The following NDRG1 variants were observed in gnomAD, a reference collection of about 807,000 sequenced individuals.
NDRG1 encodes N-myc downstream regulated 1.
NDRG1 carries 32 observed loss-of-function variants against 56.9 expected under a neutral mutation model. The ratio of observed to expected loss-of-function variants is 0.56; its 90% CI spans 0.42 to 0.76. The LOEUF (loss-of-function observed/expected upper bound fraction) is 0.76. NDRG1 is among the 30% of genes least tolerant of loss of function. NDRG1 has a pLI of 0.00. For synonymous variants in NDRG1, 211 were observed against 204.1 expected (o/e 1.03, Z -0.29); for missense variants, 507 against 545.7 (o/e 0.93, Z 0.71).
At chr8:133,276,624 C>T (rs1857468916) in intron 3 of NDRG1, among the ~76,000 whole-genome samples, 2 of 152,204 alleles carry the variant, frequency 1.3e-5, no homozygotes, top group Non-Finnish European at 2.9e-5. Context: ...GTTTTATAAA[C>T]GGCAGTTCCC....
At chr8:133,244,100 A>G (rs191927100) in intron 14 of NDRG1, among the ~76,000 whole-genome samples, 1 of 152,296 alleles carries the variant, frequency 6.6e-6, no homozygotes, top group African/African-American at 2.4e-5. Flanking sequence ...ACATACCCAG[A>G]TTCTGACCCA....
intron 3 of NDRG1, among the ~76,000 whole-genome samples, chr8:133,279,259 T>C (rs1586479682): frequency 1.3e-5 from 2 of 152,246 alleles, no homozygotes; most frequent in East Asian, 3.9e-4. Context: ...GATGAGAAAA[T>C]ACACACCTTG....
At position 133,292,999 on chromosome 8, in the gene NDRG1, G is replaced by A. The variant is rs139165941; in HGVS notation, c.-19+4135C>T. Among the ~76,000 whole-genome samples the A allele has an allele frequency of 7.4e-3, 1,127 of 152,348 alleles. 6 individuals are homozygous for A. Among genetic ancestry groups the A allele is most frequent in the Non-Finnish European group, 0.012 (842 of 68,036 alleles). Reference sequence around the variant, plus strand: ...GAAAGTCAAAGATCTGGGTCAAAGAGACCTGCTTATGGCCCCGATTGTGTA... The same window carrying A: ...GAAAGTCAAAGATCTGGGTCAAAGAAACCTGCTTATGGCCCCGATTGTGTA... On this transcript the variant is annotated intron_variant, in intron 1 of 15. Coordinates refer to ENST00000323851, the MANE Select transcript of NDRG1 (RefSeq NM_006096.4).
intron 1 of NDRG1, among the ~76,000 whole-genome samples, chr8:133,287,838 C>T (rs527483721): frequency 3.3e-5 from 5 of 152,350 alleles, no homozygotes; most frequent in African/African-American, 1.2e-4. Context: ...GTGCGACATC[C>T]ACCCTCCTCT....
intron 15 of NDRG1, chr8:133,239,608 T>C: frequency 5.3e-6 from 1 of 190,370 alleles, no homozygotes; most frequent in Non-Finnish European, 1.1e-5. Context: ...CCGGCATGGC[T>C]ATTCGTTGTC....
In NDRG1 at chr8:133,284,382, A is replaced by C. The variant is rs967579342; in HGVS notation, c.-18-53T>G. 5.7e-6 allele frequency: 9 copies of C among 1,566,904 alleles called. No individual in the cohort carries two copies. The African/African-American group carries it at 9.5e-5, about 16-fold the overall frequency. On this transcript the variant is annotated intron_variant, in intron 1 of 15. Coordinates refer to ENST00000323851, the MANE Select transcript of NDRG1 (RefSeq NM_006096.4). Reference sequence around the variant, plus strand: ...AACACTTCCTGCTGAGAGGTTTCCTAAAGGAAGCAAATCCAAGACCAATGG... The same window carrying C: ...AACACTTCCTGCTGAGAGGTTTCCTCAAGGAAGCAAATCCAAGACCAATGG...
At position 133,238,867 on chromosome 8, in the gene NDRG1, G is replaced by A. The variant is rs1473968041; in HGVS notation, c.*11C>T. On this transcript the variant is annotated 3_prime_UTR_variant, in exon 16 of 16. Transcript: ENST00000323851. ...AGATCAGAGTCCGGGGGCGGCAGCT[G>A]GGCAGGCCGCCTAGCAGGAGACCTC... 6.5e-7 allele frequency: 1 copy of A among 1,549,596 alleles called. No individual in the cohort carries two copies. Among genetic ancestry groups the A allele is most frequent in the South Asian group, 1.2e-5 (1 of 84,202 alleles).
chr8:133,269,763 T>C (rs1412742787), intron 3 of NDRG1, among the ~76,000 whole-genome samples: 1 of 152,212 alleles, frequency 6.6e-6, no homozygotes, highest in African/African-American at 2.4e-5. Flanking sequence ...AAGTCAGATT[T>C]CCCACACTTA....
intron 3 of NDRG1, 56 bp downstream of exon 3, chr8:133,280,176 A>G (rs1563638262): frequency 6.3e-7 from 1 of 1,595,094 alleles, no homozygotes; most frequent in Non-Finnish European, 8.6e-7. Flanking sequence ...GGAAAGAAAA[A>G]GGAAAAAGAG....
rs1054917996 is a variant in NDRG1, at chr8:133,262,029, G to A, written c.326+18C>T. ...CAGTTTCCACCCTGTAGAGCTCATA[G>A]GGCAAGAGGCCTCTCACCCTGCGGG... On this transcript the variant is annotated intron_variant, in intron 5 of 15. Transcript: ENST00000323851. The A allele has an allele frequency of 1.9e-6, 3 of 1,604,368 alleles. No individual in the cohort carries two copies. Among genetic ancestry groups the A allele is most frequent in the African/African-American group, 2.7e-5 (2 of 74,358 alleles).
chr8:133,238,976 G>GGCT lies in NDRG1; in HGVS notation c.1084_1086dup (p.Ser362dup). ...TGGGCCCCCTCGCTGGTGTGCGAGC[G>GGCT]GCTGCGGGTGCCCTCGCTGGTGTGG... On this transcript the variant is annotated inframe_insertion, in exon 16 of 16. Coordinates refer to ENST00000323851, the MANE Select transcript of NDRG1 (RefSeq NM_006096.4). 1.9e-6 allele frequency: 3 copies of GGCT among 1,591,308 alleles called. No individual in the cohort carries two copies. The highest frequency in any genetic ancestry group is 2.6e-6 in the Non-Finnish European group (3 of 1,170,562).
chr8:133,283,058 G>C (rs1857904165), intron 2 of NDRG1, among the ~76,000 whole-genome samples: 1 of 152,228 alleles, frequency 6.6e-6, no homozygotes, highest in Admixed American at 6.5e-5. Flanking sequence ...GCCACATGTA[G>C]AGTCATAAGG....
At chr8:133,257,040 C>T (rs936799620) in intron 7 of NDRG1, among the ~76,000 whole-genome samples, 177 bp from the exon 8 acceptor site, 6 of 152,162 alleles carry the variant, frequency 3.9e-5, no homozygotes, top group Non-Finnish European at 8.8e-5. Flanking sequence ...ACAGCAGACA[C>T]GGTATCGGGT....
chr8:133,286,674 C>A (rs1858132033), intron 1 of NDRG1, among the ~76,000 whole-genome samples: 2 of 152,194 alleles, frequency 1.3e-5, no homozygotes, highest in Non-Finnish European at 2.9e-5. Flanking sequence ...AGAGATAAAA[C>A]TGCTGAGGAT....
At chr8:133,270,453 C>T (rs1288234572) in intron 3 of NDRG1, among the ~76,000 whole-genome samples, 3 of 152,210 alleles carry the variant, frequency 2.0e-5, no homozygotes, top group Admixed American at 6.5e-5. Flanking sequence ...TCCTTACTCA[C>T]CTCCCTTGTA....
chr8:133,259,012 G>T, intron 6 of NDRG1, 156 bp downstream of exon 6: 1 of 784,234 alleles, frequency 1.3e-6, no homozygotes, highest in Non-Finnish European at 2.3e-6. Flanking sequence ...ACTGTGTGAA[G>T]AACAGTGTTC....
At chr8:133,296,000 A>G (rs1200170141) in intron 1 of NDRG1, among the ~76,000 whole-genome samples, 1 of 150,860 alleles carries the variant, frequency 6.6e-6, no homozygotes, top group Admixed American at 6.6e-5. Flanking sequence ...CAGGGACAGC[A>G]GGGACAACAG....
At chr8:133,265,153 T>G (rs1467751602) in intron 3 of NDRG1, among the ~76,000 whole-genome samples, 1 of 152,212 alleles carries the variant, frequency 6.6e-6, no homozygotes, top group East Asian at 1.9e-4. Flanking sequence ...CTGTTGACAG[T>G]GACCCCCCTC....
At chr8:133,291,123 C>T (rs927682046) in intron 1 of NDRG1, among the ~76,000 whole-genome samples, 6 of 152,156 alleles carry the variant, frequency 3.9e-5, no homozygotes, top group Admixed American at 2.0e-4. Flanking sequence ...GGAGAGCAGG[C>T]GGGAATTGCT....
Sources: gnomAD v4.1 joint callset for allele counts (sites outside exome capture counted in the v4.1 genomes callset) on GRCh38, gnomAD v4.1.1 for gene constraint, MANE v1.5 for transcripts, NCBI Gene and HGNC (gene_info 2026-07-23, HGNC 2026-07-21) for gene names.